The following DACH2 variants were observed in gnomAD, a reference collection of about 807,000 sequenced individuals.
The protein encoded by DACH2 is dachshund homolog 2.
In DACH2, 17 loss-of-function variants were observed where a neutral mutation model predicts 35.8. The observed-to-expected ratio is 0.48, with a 90% CI of 0.33 to 0.71. The LOEUF (loss-of-function observed/expected upper bound fraction) is 0.71. Among genes scored for constraint, DACH2 ranks in the 30% least tolerant of loss-of-function variants. The probability of loss-of-function intolerance (pLI) is 0.02; values close to 1 mark genes in which losing one functional copy is unlikely to be tolerated. For missense variants in DACH2, 469 were observed against 472.7 expected (o/e 0.99, Z 0.07); for synonymous variants, 195 against 177.3 (o/e 1.10, Z -0.79).
intron 3 of DACH2, among the ~76,000 whole-genome samples, chrX:86,610,958 C>T (rs1227912787): frequency 1.8e-5 from 2 of 110,651 alleles, no homozygotes; most frequent in East Asian, 5.8e-4. Flanking sequence ...CTTTACTTTT[C>T]CCTCTGCTTT....
intron 2 of DACH2, among the ~76,000 whole-genome samples, chrX:86,467,525 C>A (rs969068327): frequency 5.4e-5 from 6 of 111,437 alleles, no homozygotes; most frequent in Non-Finnish European, 9.4e-5. Flanking sequence ...CCAAACTTTC[C>A]CACATTTTTC....
At chrX:86,672,485 C>G (rs187651753) in intron 4 of DACH2, among the ~76,000 whole-genome samples, 23 of 111,508 alleles carry the variant, frequency 2.1e-4, no homozygotes, top group African/African-American at 7.2e-4. Flanking sequence ...ATGCCCTGAT[C>G]AACCTCAGGA....
chrX:86,684,368 C>T (rs1281729504), intron 4 of DACH2, among the ~76,000 whole-genome samples: 1 of 111,352 alleles, frequency 9.0e-6, no homozygotes, highest in Non-Finnish European at 1.9e-5. Flanking sequence ...TCTATGTGGC[C>T]AGTCTTGCCC....
At chrX:86,404,988 C>T (rs181465517) in intron 2 of DACH2, among the ~76,000 whole-genome samples, 4 of 112,381 alleles carry the variant, frequency 3.6e-5, no homozygotes, top group Admixed American at 2.8e-4. Context: ...CTGAGCTCTA[C>T]GTTGTCCCCT....
chrX:86,773,904 A>C (rs1175397245), intron 7 of DACH2, among the ~76,000 whole-genome samples: 1 of 111,905 alleles, frequency 8.9e-6, no homozygotes, highest in Non-Finnish European at 1.9e-5. Flanking sequence ...TAAATTAGGC[A>C]TTTACAAACT....
chrX:86,605,612 G>A (rs1012006493), intron 3 of DACH2, among the ~76,000 whole-genome samples: 3 of 110,031 alleles, frequency 2.7e-5, no homozygotes, highest in Non-Finnish European at 5.7e-5. Flanking sequence ...AATAATTTTT[G>A]GCCATTTTCT....
intron 1 of DACH2, among the ~76,000 whole-genome samples, chrX:86,267,382 A>G (rs1423832185): frequency 1.2e-4 from 13 of 112,078 alleles, no homozygotes; most frequent in Non-Finnish European, 1.7e-4. Context: ...GTGTTTATGG[A>G]ATTTTATGTT....
At chrX:86,331,775 G>A (rs957988102) in intron 1 of DACH2, among the ~76,000 whole-genome samples, 2 of 111,247 alleles carry the variant, frequency 1.8e-5, no homozygotes, top group African/African-American at 6.5e-5. Context: ...CAGTGTATGT[G>A]ATGGGTTTGA....
intron 1 of DACH2, among the ~76,000 whole-genome samples, chrX:86,232,028 G>T (rs988371454): frequency 9.0e-6 from 1 of 111,606 alleles, no homozygotes; most frequent in Non-Finnish European, 1.9e-5. Context: ...CAGTGGGGGT[G>T]TGTGTTTGGG....
chrX:86,623,348 A>T (rs1044769632), intron 3 of DACH2, among the ~76,000 whole-genome samples: 1 of 112,318 alleles, frequency 8.9e-6, no homozygotes, highest in South Asian at 3.7e-4. Context: ...TGCCTTAAAG[A>T]TTGGTTAAGT....
At chrX:86,308,739 G>A (rs906621821) in intron 1 of DACH2, among the ~76,000 whole-genome samples, 6 of 111,638 alleles carry the variant, frequency 5.4e-5, no homozygotes, top group African/African-American at 2.0e-4. Flanking sequence ...TGTGCACTGG[G>A]GAAAGGGAAA....
At chrX:86,795,502 G>A (rs902052358) in intron 7 of DACH2, among the ~76,000 whole-genome samples, 1 of 111,662 alleles carries the variant, frequency 9.0e-6, no homozygotes. Context: ...CAAAGTGCTG[G>A]GATTACAGGC....
intron 1 of DACH2, among the ~76,000 whole-genome samples, chrX:86,276,175 C>G (rs1306570908): frequency 8.9e-6 from 1 of 111,743 alleles, no homozygotes; most frequent in Non-Finnish European, 1.9e-5. Context: ...CCTTTTCCTC[C>G]ACATCCTCGC....
At chrX:86,688,212 T>C (rs1939911818) in intron 4 of DACH2, among the ~76,000 whole-genome samples, 1 of 112,025 alleles carries the variant, frequency 8.9e-6, no homozygotes, top group Non-Finnish European at 1.9e-5. Context: ...TCTTTCTTCC[T>C]GGGTACTGCT....
intron 7 of DACH2, among the ~76,000 whole-genome samples, chrX:86,749,061 CA>C (rs990237980): frequency 8.9e-6 from 1 of 111,860 alleles, no homozygotes; most frequent in Non-Finnish European, 1.9e-5. Flanking sequence ...TTTCAGCCTA[CA>C]AGGAATTAAA....
chrX:86,339,988 A>G (rs1256097309), intron 1 of DACH2, among the ~76,000 whole-genome samples: 1 of 112,126 alleles, frequency 8.9e-6, no homozygotes, highest in Non-Finnish European at 1.9e-5. Context: ...TTTGTACATT[A>G]TCTTTATTGC....
At chrX:86,257,555 A>T (rs983471375) in intron 1 of DACH2, among the ~76,000 whole-genome samples, 4 of 111,472 alleles carry the variant, frequency 3.6e-5, no homozygotes, top group African/African-American at 1.3e-4. Context: ...CCACAGGCCC[A>T]TGCCACCATG....
chrX:86,400,319 T>G (rs1049964086), intron 2 of DACH2, among the ~76,000 whole-genome samples: 1 of 111,340 alleles, frequency 9.0e-6, no homozygotes, highest in South Asian at 3.8e-4. Context: ...TTTTTGCGAT[T>G]GGTTCAAACT....
intron 7 of DACH2, among the ~76,000 whole-genome samples, chrX:86,754,525 T>A (rs1190129020): frequency 9.0e-6 from 1 of 111,314 alleles, no homozygotes; most frequent in Non-Finnish European, 1.9e-5. Flanking sequence ...ATTTTTTCTA[T>A]CTAAATATAT....
Sources: gnomAD v4.1 joint callset for allele counts (sites outside exome capture counted in the v4.1 genomes callset) on GRCh38, gnomAD v4.1.1 for gene constraint, MANE v1.5 for transcripts, NCBI Gene and HGNC (gene_info 2026-07-23, HGNC 2026-07-21) for gene names.